ADAM22: variants seen among roughly 807,000 people sequenced by gnomAD.
The protein encoded by ADAM22 is disintegrin and metalloproteinase domain-containing protein 22.
In ADAM22, 65 loss-of-function variants were observed where a neutral mutation model predicts 144.6. That is an observed-to-expected ratio of 0.45 (90% CI 0.37 to 0.55). ADAM22 has a LOEUF of 0.55. Among genes scored for constraint, ADAM22 ranks in the 20% least tolerant of loss-of-function variants. The pLI, the probability that ADAM22 is intolerant of heterozygous loss-of-function variation, is 0.00. For synonymous variants in ADAM22, 391 were observed against 412.6 expected (o/e 0.95, Z 0.63); for missense variants, 974 against 1,184.9 (o/e 0.82, Z 2.61).
At chr7:88,017,259 AAAG>A (rs1191032373) in intron 3 of ADAM22, among the ~76,000 whole-genome samples, 1 of 152,212 alleles carries the variant, frequency 6.6e-6, no homozygotes, top group East Asian at 1.9e-4. Flanking sequence ...TGAAAAATCC[AAAG>A]AAGAGGATTT....
At chr7:88,088,486 C>A (rs553015899) in intron 4 of ADAM22, among the ~76,000 whole-genome samples, 8 of 141,306 alleles carry the variant, frequency 5.7e-5, no homozygotes, top group Admixed American at 3.0e-4. Flanking sequence ...GTTTAGTTTT[C>A]CCCAGTGAAT....
chr7:87,967,465 T>C (rs1849396608), intron 2 of ADAM22, among the ~76,000 whole-genome samples: 1 of 151,940 alleles, frequency 6.6e-6, no homozygotes, highest in African/African-American at 2.4e-5. Flanking sequence ...TCAAAAAGAA[T>C]AAAAATACCA....
chr7:88,178,812 G>A, intron 26 of ADAM22, 123 bp from the exon 27 acceptor site: 1 of 488,662 alleles, frequency 2.0e-6, no homozygotes, highest in Non-Finnish European at 3.6e-6. Context: ...TATGTGTTGT[G>A]ATAGATTTGA....
intron 14 of ADAM22, among the ~76,000 whole-genome samples, chr7:88,141,101 A>G (rs1392232669): frequency 6.6e-6 from 1 of 152,228 alleles, no homozygotes; most frequent in African/African-American, 2.4e-5. Context: ...AGACTTTAGC[A>G]TGGTAATGAG....
chr7:88,045,142 G>A (rs931542924), intron 3 of ADAM22, among the ~76,000 whole-genome samples: 10 of 146,246 alleles, frequency 6.8e-5, no homozygotes, highest in Non-Finnish European at 1.2e-4. Flanking sequence ...CTCAGCCTCC[G>A]GAGTACCTGG....
chr7:88,146,074 A>G (rs912371848), intron 17 of ADAM22, among the ~76,000 whole-genome samples: 18 of 152,204 alleles, frequency 1.2e-4, no homozygotes, highest in Admixed American at 8.5e-4. Context: ...CCTCATACCT[A>G]TCTCCAAATA....
chr7:88,022,046 A>C (rs551885369), intron 3 of ADAM22, among the ~76,000 whole-genome samples: 2 of 151,770 alleles, frequency 1.3e-5, no homozygotes, highest in African/African-American at 4.8e-5. Context: ...CTAATTAAAA[A>C]ATTTTTTATT....
At chr7:88,164,603 A>T (rs1365206641) in intron 23 of ADAM22, among the ~76,000 whole-genome samples, 1 of 152,068 alleles carries the variant, frequency 6.6e-6, no homozygotes, top group African/African-American at 2.4e-5. Flanking sequence ...TTAGCTGGGT[A>T]ACATTGGGCA....
At chr7:87,962,026 T>G (rs1848103025) in intron 2 of ADAM22, among the ~76,000 whole-genome samples, 1 of 152,210 alleles carries the variant, frequency 6.6e-6, no homozygotes, top group Admixed American at 6.5e-5. Flanking sequence ...CTCATGCAAG[T>G]CATGTAGCCA....
intron 3 of ADAM22, among the ~76,000 whole-genome samples, chr7:88,026,088 A>G (rs1012920269): frequency 1.3e-5 from 2 of 152,204 alleles, no homozygotes; most frequent in African/African-American, 4.8e-5. Context: ...ATTTAATTTT[A>G]TAAGTATCTA....
rs550425466 is a variant in ADAM22 at position 87,984,382 on chromosome 7, G to A, written c.323+5970G>A. Among the ~76,000 whole-genome samples, 9 of 152,230 alleles carry A rather than the reference G, an allele frequency of 5.9e-5. No homozygotes were observed. In the East Asian group the frequency reaches 1.2e-3, roughly 20 times the overall value. On this transcript the variant is annotated intron_variant, in intron 3 of 31. Transcript: ENST00000413139. ...AAACCTATCTATAGGCCTTGTTGTG[G>A]AGGGTTGGTGTCACCAATGGGAAAG... is the stretch of plus-strand genomic sequence containing the variant.
At chr7:87,941,773 G>A (rs1842527506) in intron 2 of ADAM22, among the ~76,000 whole-genome samples, 1 of 152,042 alleles carries the variant, frequency 6.6e-6, no homozygotes, top group South Asian at 2.1e-4. Context: ...ACCTAATGAG[G>A]TTATGGTGCA....
chr7:87,942,798 ACAC>A (rs1311129314), intron 2 of ADAM22, among the ~76,000 whole-genome samples: 1 of 152,182 alleles, frequency 6.6e-6, no homozygotes, highest in Non-Finnish European at 1.5e-5. Context: ...TCAGCAATCA[ACAC>A]CAAAATTGTA....
At chr7:88,168,777 T>C (rs1269818219) in intron 25 of ADAM22, among the ~76,000 whole-genome samples, 1 of 152,156 alleles carries the variant, frequency 6.6e-6, no homozygotes, top group African/African-American at 2.4e-5. Flanking sequence ...ATATTTCAAC[T>C]TAAAATCATA....
intron 3 of ADAM22, among the ~76,000 whole-genome samples, chr7:88,050,428 A>G (rs1352447471): frequency 6.6e-6 from 1 of 150,572 alleles, no homozygotes; most frequent in Non-Finnish European, 1.5e-5. Flanking sequence ...TAAAAGAATT[A>G]TACCAGAGAA....
chr7:88,140,918 C>T (rs560968506), intron 14 of ADAM22, among the ~76,000 whole-genome samples: 2 of 152,020 alleles, frequency 1.3e-5, no homozygotes, highest in African/African-American at 2.4e-5. Flanking sequence ...ATTCACTAGA[C>T]GAGTGTCTTC....
intron 4 of ADAM22, among the ~76,000 whole-genome samples, chr7:88,106,363 G>C (rs1468605155): frequency 6.6e-6 from 1 of 152,186 alleles, no homozygotes. Flanking sequence ...AGAGTTACCA[G>C]CTTCTGTGGG....
At chr7:88,082,455 T>A (rs4307269) in intron 4 of ADAM22, among the ~76,000 whole-genome samples, 84,150 of 151,530 alleles carry the variant, frequency 0.56, 24,462 homozygotes, top group East Asian at 0.88. Context: ...AAACACCAAA[T>A]GCAATGGCAA....
At chr7:88,076,561 G>C (rs1814570565) in intron 4 of ADAM22, among the ~76,000 whole-genome samples, 2 of 147,410 alleles carry the variant, frequency 1.4e-5, no homozygotes, top group South Asian at 4.6e-4. Flanking sequence ...AAAATTGTTA[G>C]ATCTACAGGA....
Sources: allele counts gnomAD v4.1 joint callset (sites outside exome capture counted in the v4.1 genomes callset), GRCh38; gene constraint gnomAD v4.1.1; transcripts MANE v1.5; gene names NCBI Gene and HGNC (gene_info 2026-07-23, HGNC 2026-07-21).